The following SLC25A21 variants were observed in gnomAD, a reference collection of about 807,000 sequenced individuals.
SLC25A21 encodes mitochondrial 2-oxodicarboxylate carrier.
Under a neutral mutation model 43.8 loss-of-function variants are expected in SLC25A21, and 47 were observed. That is an observed-to-expected ratio of 1.07 (90% CI 0.85 to 1.37). The LOEUF (loss-of-function observed/expected upper bound fraction) is 1.37. Ranked by LOEUF, SLC25A21 falls within the 40% of genes most tolerant of loss-of-function variation. SLC25A21 has a pLI of 0.00. For missense variants in SLC25A21, 352 were observed against 350.2 expected, an observed-to-expected ratio of 1.00 and a Z score of -0.04; for synonymous variants, 131 against 121.3, an observed-to-expected ratio of 1.08 and a Z score of -0.52.
chr14:37,109,802 A>T (rs1962985453), intron 1 of SLC25A21, among the ~76,000 whole-genome samples: 1 of 152,106 alleles, frequency 6.6e-6, no homozygotes, highest in Non-Finnish European at 1.5e-5. Flanking sequence ...ACATTGCAAA[A>T]CTGCCATACA....
intron 1 of SLC25A21, among the ~76,000 whole-genome samples, chr14:37,011,897 T>C (rs1368187662): frequency 6.6e-6 from 1 of 151,390 alleles, no homozygotes; most frequent in Non-Finnish European, 1.5e-5. Flanking sequence ...TATAGACTTT[T>C]GAACTTTTAC....
intron 7 of SLC25A21, among the ~76,000 whole-genome samples, chr14:36,698,381 A>T (rs1446494300): frequency 6.6e-6 from 1 of 152,000 alleles, no homozygotes; most frequent in Non-Finnish European, 1.5e-5. Context: ...GAATCTGACA[A>T]TTATGTGTCT....
chr14:37,074,782 A>G (rs976811153), intron 1 of SLC25A21, among the ~76,000 whole-genome samples: 24 of 152,162 alleles, frequency 1.6e-4, no homozygotes, highest in Admixed American at 2.6e-4. Context: ...AGATCGCGCC[A>G]CTGCACTCCA....
chr14:37,057,954 T>C (rs891028175), intron 1 of SLC25A21, among the ~76,000 whole-genome samples: 4 of 152,194 alleles, frequency 2.6e-5, no homozygotes, highest in African/African-American at 7.2e-5. Context: ...ATTTTTACAT[T>C]TGGCATATGA....
intron 1 of SLC25A21, among the ~76,000 whole-genome samples, chr14:36,992,845 C>G (rs1267441477): frequency 6.6e-6 from 1 of 152,088 alleles, no homozygotes; most frequent in Non-Finnish European, 1.5e-5. Flanking sequence ...TTTTTGTTTC[C>G]TTTGCCCAGA....
At chr14:36,792,496 T>C (rs1294315135) in intron 3 of SLC25A21, among the ~76,000 whole-genome samples, 3 of 151,974 alleles carry the variant, frequency 2.0e-5, no homozygotes, top group Non-Finnish European at 4.4e-5. Flanking sequence ...CTCATGAAAA[T>C]GTTGGACCAA....
intron 2 of SLC25A21, among the ~76,000 whole-genome samples, chr14:36,858,425 C>T (rs1355335739): frequency 1.3e-5 from 2 of 152,150 alleles, no homozygotes; most frequent in African/African-American, 4.8e-5. Context: ...TTTGAAACAT[C>T]ATAGATTCAT....
At chr14:36,812,314 C>G (rs1309338827) in intron 3 of SLC25A21, among the ~76,000 whole-genome samples, 1 of 151,868 alleles carries the variant, frequency 6.6e-6, no homozygotes, top group Non-Finnish European at 1.5e-5. Context: ...ACTTTCAAAT[C>G]TTAAGGGTAT....
chr14:36,842,741 A>G (rs1889423798), intron 2 of SLC25A21, among the ~76,000 whole-genome samples: 1 of 152,162 alleles, frequency 6.6e-6, no homozygotes, highest in Non-Finnish European at 1.5e-5. Context: ...AAAACTGGGT[A>G]GAAAGACATG....
chr14:37,021,998 G>T (rs1343522766), intron 1 of SLC25A21, among the ~76,000 whole-genome samples: 2 of 151,776 alleles, frequency 1.3e-5, no homozygotes, highest in Non-Finnish European at 2.9e-5. Flanking sequence ...TATAACAAAG[G>T]TGTGCCAGGG....
At chr14:36,731,811 T>C (rs1426900407) in intron 4 of SLC25A21, among the ~76,000 whole-genome samples, 1 of 152,192 alleles carries the variant, frequency 6.6e-6, no homozygotes, top group Non-Finnish European at 1.5e-5. Flanking sequence ...CAGCCTGCTC[T>C]TCCCTGGTAC....
intron 1 of SLC25A21, among the ~76,000 whole-genome samples, chr14:37,164,763 G>A (rs1337483954): frequency 6.6e-6 from 1 of 152,056 alleles, no homozygotes. Context: ...AGCCTTTTCA[G>A]GTTAAAAGCC....
intron 6 of SLC25A21, among the ~76,000 whole-genome samples, chr14:36,721,569 T>C (rs1008991070): frequency 2.6e-5 from 4 of 152,198 alleles, no homozygotes; most frequent in African/African-American, 9.7e-5. Flanking sequence ...CCCCACAAGA[T>C]TGTTCTTCCT....
chr14:37,057,679 CT>C (rs1392211564), intron 1 of SLC25A21, among the ~76,000 whole-genome samples: 1 of 152,124 alleles, frequency 6.6e-6, no homozygotes, highest in African/African-American at 2.4e-5. Context: ...AATGTTGTCA[CT>C]TTTTATTTTG....
chr14:36,883,243 C>T lies in SLC25A21; in HGVS notation c.71-8239G>A, dbSNP rs141664942. ...CTTACAACTCTCCCCTCCACTGGCTCTACTCCAGCCACACTGGCTCTCTGC... is the reference window on the plus strand; with the variant it reads ...CTTACAACTCTCCCCTCCACTGGCTTTACTCCAGCCACACTGGCTCTCTGC... On this transcript the variant is annotated intron_variant, in intron 1 of 9. Transcript: ENST00000331299. Among the ~76,000 whole-genome samples the T allele has an allele frequency of 1.8e-3, 268 of 152,316 alleles. 2 individuals carry two copies. The highest frequency in any genetic ancestry group is 3.9e-3 in the Admixed American group (60 of 15,296).
intron 1 of SLC25A21, among the ~76,000 whole-genome samples, chr14:36,985,249 C>T (rs1230723190): frequency 2.0e-5 from 3 of 151,292 alleles, no homozygotes; most frequent in East Asian, 3.9e-4. Flanking sequence ...GTGGGTGCAG[C>T]GCACCAGCAT....
At chr14:36,951,251 A>C (rs560795969) in intron 1 of SLC25A21, among the ~76,000 whole-genome samples, 75 of 147,692 alleles carry the variant, frequency 5.1e-4, no homozygotes, top group Non-Finnish European at 1.3e-4. Flanking sequence ...AAAAAAAAAA[A>C]CTATAACCAA....
intron 3 of SLC25A21, among the ~76,000 whole-genome samples, chr14:36,812,010 T>C (rs554011406): frequency 1.3e-5 from 2 of 152,186 alleles, no homozygotes; most frequent in Non-Finnish European, 2.9e-5. Flanking sequence ...GTTGGAAAAA[T>C]TGTTTACAAC....
intron 1 of SLC25A21, among the ~76,000 whole-genome samples, chr14:36,993,986 A>AT (rs914202554): frequency 1.8e-4 from 27 of 151,996 alleles, no homozygotes; most frequent in African/African-American, 4.6e-4. Context: ...AGAGAGGAGC[A>AT]TTTTTTTTCA....
Sources: allele counts gnomAD v4.1 joint callset (sites outside exome capture counted in the v4.1 genomes callset), GRCh38; gene constraint gnomAD v4.1.1; transcripts MANE v1.5; gene names NCBI Gene and HGNC (gene_info 2026-07-23, HGNC 2026-07-21).